MCC: variants seen among roughly 807,000 people sequenced by gnomAD.
The protein encoded by MCC is colorectal mutant cancer protein.
Under a neutral mutation model 116.2 loss-of-function variants are expected in MCC, and 90 were observed. That is an observed-to-expected ratio of 0.77 (90% CI 0.65 to 0.92). The LOEUF (loss-of-function observed/expected upper bound fraction) is 0.92. Ranked by LOEUF, MCC falls within the 40% of genes least tolerant of loss-of-function variation. The pLI is 0.00. For synonymous variants in MCC, 578 were observed against 510.5 expected, an observed-to-expected ratio of 1.13 and a Z score of -1.78; for missense variants, 1,516 against 1,312.2, an observed-to-expected ratio of 1.16 and a Z score of -2.40.
chr5:113,362,360 C>G (rs1768571500), intron 2 of MCC, among the ~76,000 whole-genome samples: 1 of 152,148 alleles, frequency 6.6e-6, no homozygotes, highest in Non-Finnish European at 1.5e-5. Flanking sequence ...TTTGTCGAGA[C>G]TTGTTTTATG....
chr5:113,289,149 G>A (rs1345151899), intron 3 of MCC, among the ~76,000 whole-genome samples: 3 of 151,924 alleles, frequency 2.0e-5, no homozygotes, highest in African/African-American at 7.3e-5. Context: ...TGACCAACAC[G>A]GTGAAACTCT....
intron 13 of MCC, among the ~76,000 whole-genome samples, chr5:113,066,691 A>G (rs878900048): frequency 6.6e-6 from 1 of 152,196 alleles, no homozygotes; most frequent in Admixed American, 6.5e-5. Flanking sequence ...CCCCCAGACA[A>G]AGGGGGAGGA....
intron 2 of MCC, among the ~76,000 whole-genome samples, chr5:113,371,543 C>T (rs1452084979): frequency 6.6e-6 from 1 of 152,160 alleles, no homozygotes; most frequent in Non-Finnish European, 1.5e-5. Context: ...GACAAATATG[C>T]ATGCATAAAA....
intron 1 of MCC, among the ~76,000 whole-genome samples, chr5:113,391,923 T>A (rs1434197562): frequency 2.6e-5 from 4 of 152,188 alleles, no homozygotes; most frequent in Admixed American, 2.6e-4. Flanking sequence ...ATTTTGTTGT[T>A]TCCCATATGC....
chr5:113,227,939 T>A (rs1763806227), intron 3 of MCC, among the ~76,000 whole-genome samples: 1 of 152,224 alleles, frequency 6.6e-6, no homozygotes, highest in Non-Finnish European at 1.5e-5. Context: ...GACCAATGCA[T>A]CCTTCTAGTT....
intron 1 of MCC, among the ~76,000 whole-genome samples, chr5:113,471,626 T>C (rs1772093626): frequency 6.6e-6 from 1 of 152,082 alleles, no homozygotes; most frequent in Non-Finnish European, 1.5e-5. Context: ...AGGGACCCAC[T>C]TGAGGAGGCA....
At chr5:113,424,886 A>G (rs1770442305) in intron 1 of MCC, among the ~76,000 whole-genome samples, 1 of 152,132 alleles carries the variant, frequency 6.6e-6, no homozygotes, top group Non-Finnish European at 1.5e-5. Flanking sequence ...AAAAAAAAGA[A>G]CTAGAAAATA....
At chr5:113,125,943 C>T (rs938232411) in intron 5 of MCC, among the ~76,000 whole-genome samples, 3 of 152,052 alleles carry the variant, frequency 2.0e-5, no homozygotes, top group Non-Finnish European at 2.9e-5. Flanking sequence ...AATGTAAAAA[C>T]ATGGAAAAAA....
At chr5:113,465,789 A>C (rs1402110831) in intron 1 of MCC, among the ~76,000 whole-genome samples, 1 of 152,236 alleles carries the variant, frequency 6.6e-6, no homozygotes, top group Non-Finnish European at 1.5e-5. Flanking sequence ...AGAATTGTAA[A>C]GTTAAATAAT....
At chr5:113,087,830 A>C (rs974120041) in intron 8 of MCC, among the ~76,000 whole-genome samples, 5 of 151,942 alleles carry the variant, frequency 3.3e-5, no homozygotes, top group African/African-American at 1.2e-4. Context: ...AATCCTGGGC[A>C]ATTTATAAAG....
chr5:113,110,637 G>C (rs1303354374), intron 6 of MCC, among the ~76,000 whole-genome samples: 1 of 152,158 alleles, frequency 6.6e-6, no homozygotes, highest in Non-Finnish European at 1.5e-5. Context: ...CTAAGTTCAC[G>C]TAATCTTGGC....
At chr5:113,197,670 G>A (rs1330099785) in intron 3 of MCC, among the ~76,000 whole-genome samples, 1 of 152,132 alleles carries the variant, frequency 6.6e-6, no homozygotes, top group Non-Finnish European at 1.5e-5. Context: ...CTATGTAGGG[G>A]GCCCTATGTA....
chr5:113,483,345 A>C (rs1358295381), intron 1 of MCC, among the ~76,000 whole-genome samples: 1 of 152,194 alleles, frequency 6.6e-6, no homozygotes, highest in Admixed American at 6.5e-5. Context: ...TTGATTCTGT[A>C]AATCAATTTG....
At chr5:113,423,974 C>A (rs560957414) in intron 1 of MCC, among the ~76,000 whole-genome samples, 1 of 152,160 alleles carries the variant, frequency 6.6e-6, no homozygotes, top group Admixed American at 6.5e-5. Flanking sequence ...TAGCTTTATA[C>A]CAACCAGATG....
At chr5:113,289,604 C>A (rs1320916238) in intron 3 of MCC, among the ~76,000 whole-genome samples, 1 of 152,114 alleles carries the variant, frequency 6.6e-6, no homozygotes, top group East Asian at 1.9e-4. Flanking sequence ...CGGAACCCAG[C>A]TGCCATGCTG....
chr5:113,141,924 G>C (rs1759201931), intron 5 of MCC, among the ~76,000 whole-genome samples: 1 of 152,250 alleles, frequency 6.6e-6, no homozygotes, highest in African/African-American at 2.4e-5. Context: ...AAATTTGCCA[G>C]TGTCCTATGC....
chr5:113,097,585 C>T (rs373390720), intron 8 of MCC, among the ~76,000 whole-genome samples: 117 of 152,130 alleles, frequency 7.7e-4, no homozygotes, highest in African/African-American at 2.6e-3. Context: ...CTCTATATAG[C>T]CCTGTCTCAA....
intron 3 of MCC, among the ~76,000 whole-genome samples, chr5:113,207,203 C>G (rs752349976): frequency 6.6e-5 from 10 of 152,162 alleles, no homozygotes; most frequent in Non-Finnish European, 1.3e-4. Context: ...TGAGACCAGA[C>G]CTCACTGTTT....
intron 16 of MCC, chr5:113,044,425 C>G (rs993067279): frequency 5.5e-6 from 5 of 908,234 alleles, no homozygotes; most frequent in African/African-American, 1.8e-5. Context: ...ATTCCATGCA[C>G]AGAGAGGACA....
Sources: gnomAD v4.1 joint callset for allele counts (sites outside exome capture counted in the v4.1 genomes callset) on GRCh38, gnomAD v4.1.1 for gene constraint, MANE v1.5 for transcripts, NCBI Gene and HGNC (gene_info 2026-07-23, HGNC 2026-07-21) for gene names.